The following SGCZ variants were observed in gnomAD, a reference collection of about 807,000 sequenced individuals.
SGCZ encodes zeta-sarcoglycan.
Under a neutral mutation model 41.3 loss-of-function variants are expected in SGCZ, and 40 were observed. The ratio of observed to expected loss-of-function variants is 0.97; its 90% CI spans 0.75 to 1.26. SGCZ has a LOEUF of 1.26. Ranked by LOEUF, SGCZ falls within the 50% of genes most tolerant of loss-of-function variation. The probability of loss-of-function intolerance (pLI) is 0.00; values close to 1 mark genes in which losing one functional copy is unlikely to be tolerated. For missense variants in SGCZ, 552 were observed against 369.8 expected (o/e 1.49, Z -4.04); for synonymous variants, 206 against 137.5 (o/e 1.50, Z -3.49).
At chr8:14,207,589 T>C (rs1389372814) in intron 4 of SGCZ, among the ~76,000 whole-genome samples, 2 of 152,180 alleles carry the variant, frequency 1.3e-5, no homozygotes, top group Non-Finnish European at 2.9e-5. Context: ...CAGTTTACTA[T>C]GTTAAGTTAT....
At chr8:14,641,203 G>A (rs146174129) in intron 1 of SGCZ, among the ~76,000 whole-genome samples, 3 of 151,646 alleles carry the variant, frequency 2.0e-5, no homozygotes, top group East Asian at 3.9e-4. Context: ...CTGTCACTAC[G>A]TTTTCGCTCC....
intron 4 of SGCZ, among the ~76,000 whole-genome samples, chr8:14,180,824 C>T (rs781627714): frequency 1.2e-4 from 18 of 152,010 alleles, no homozygotes; most frequent in East Asian, 1.9e-4. Context: ...TGCCAAGTGG[C>T]GATGGCTATG....
chr8:15,211,030 T>TATACAG lies in SGCZ; in HGVS notation c.39+26554_39+26555insCTGTAT, dbSNP rs1554478386. 5.4e-5 allele frequency among the ~76,000 whole-genome samples: 8 copies of TATACAG among 147,202 alleles called. No individual in the cohort carries two copies. The Admixed American group carries it at 5.5e-4, about 10-fold the overall frequency. ...CTCTCTCTATATATAGATATATACA[T>TATACAG]ATATAGATATAGATATAGATAGATA... On this transcript the variant is annotated intron_variant, in intron 1 of 7. Coordinates refer to ENST00000382080, the MANE Select transcript of SGCZ (RefSeq NM_139167.4).
chr8:15,146,291 AATAT>A (rs1374618933), intron 1 of SGCZ, among the ~76,000 whole-genome samples: 1 of 152,222 alleles, frequency 6.6e-6, no homozygotes, highest in Non-Finnish European at 1.5e-5. Context: ...GTCGGAAAGG[AATAT>A]ATAATTATAT....
chr8:14,888,195 C>T (rs904834110), intron 1 of SGCZ, among the ~76,000 whole-genome samples: 9 of 152,166 alleles, frequency 5.9e-5, no homozygotes, highest in African/African-American at 2.2e-4. Flanking sequence ...GACCAATACA[C>T]ATAGTAGTGA....
intron 1 of SGCZ, among the ~76,000 whole-genome samples, chr8:14,999,410 G>C (rs1348766788): frequency 2.0e-5 from 3 of 152,152 alleles, no homozygotes; most frequent in Non-Finnish European, 2.9e-5. Context: ...TTTAAAGTGA[G>C]AATGGGTTAG....
chr8:15,082,488 G>C (rs1805791766), intron 1 of SGCZ, among the ~76,000 whole-genome samples: 1 of 152,006 alleles, frequency 6.6e-6, no homozygotes, highest in Admixed American at 6.6e-5. Flanking sequence ...AAATGGGGGA[G>C]GGTGGTGGAG....
At chr8:14,112,892 T>G (rs1802416650) in intron 5 of SGCZ, among the ~76,000 whole-genome samples, 1 of 151,762 alleles carries the variant, frequency 6.6e-6, no homozygotes, top group African/African-American at 2.4e-5. Context: ...GAAAATAAAT[T>G]ATTTTGGGGA....
chr8:14,672,621 G>A (rs1808140806), intron 1 of SGCZ, among the ~76,000 whole-genome samples: 1 of 152,106 alleles, frequency 6.6e-6, no homozygotes. Context: ...AACTCTGGCT[G>A]GGAAACTACA....
At chr8:14,240,598 G>C (rs1276101881) in intron 3 of SGCZ, among the ~76,000 whole-genome samples, 2 of 151,928 alleles carry the variant, frequency 1.3e-5, no homozygotes, top group Non-Finnish European at 2.9e-5. Context: ...CAGAGGTAGT[G>C]AGTTATTCTC....
rs183078554 is a variant in SGCZ, at chr8:14,568,349, T to C, written c.40-13423A>G. Among the ~76,000 whole-genome samples the C allele has an allele frequency of 3.3e-3, 485 of 149,000 alleles. 1 individual carries two copies. The highest frequency in any genetic ancestry group is 5.5e-3 in the Non-Finnish European group (373 of 67,812). On this transcript the variant is annotated intron_variant, in intron 1 of 7. Coordinates refer to ENST00000382080, the MANE Select transcript of SGCZ (RefSeq NM_139167.4). The stretch of plus-strand genomic sequence containing the variant: ...AACCACCATGGCACATGTATACGTA[T>C]GTAACAAACCTGCACATTCAGCACA...
intron 1 of SGCZ, among the ~76,000 whole-genome samples, chr8:14,726,339 TATAA>T (rs1810056279): frequency 6.9e-6 from 1 of 145,196 alleles, no homozygotes; most frequent in African/African-American, 2.5e-5. Context: ...TATATATATA[TATAA>T]AATTAGATAG....
chr8:14,743,919 C>T (rs2053492), intron 1 of SGCZ, among the ~76,000 whole-genome samples: 58,806 of 151,754 alleles, frequency 0.39, 14,016 homozygotes, highest in African/African-American at 0.67. Context: ...GTATTTTATT[C>T]TGGGGATCCG....
intron 1 of SGCZ, among the ~76,000 whole-genome samples, chr8:14,921,165 ACT>A (rs1192045114): frequency 6.6e-6 from 1 of 152,116 alleles, no homozygotes; most frequent in African/African-American, 2.4e-5. Flanking sequence ...AATCTTCTCA[ACT>A]CAGCTTCCCG....
At chr8:14,796,987 G>C (rs887917257) in intron 1 of SGCZ, among the ~76,000 whole-genome samples, 2 of 152,182 alleles carry the variant, frequency 1.3e-5, no homozygotes, top group African/African-American at 4.8e-5. Flanking sequence ...CAGCCGTGCT[G>C]AACCACAAGT....
rs1585068420 is a variant in SGCZ, at chr8:14,548,025, A to G, written c.234+6707T>C. Among the ~76,000 whole-genome samples the G allele has an allele frequency of 2.6e-5, 4 of 152,310 alleles. No individual in the cohort carries two copies. The South Asian group carries it at 6.2e-4, about 24-fold the overall frequency. ...GTGAAGATGGAAGGGCAGAATATGG[A>G]TAAGTCTGATAGTATATGTTGTTAA... On this transcript the variant is annotated intron_variant, in intron 2 of 7. Transcript: ENST00000382080.
At chr8:14,920,483 AGT>A (rs1250672682) in intron 1 of SGCZ, among the ~76,000 whole-genome samples, 1 of 152,246 alleles carries the variant, frequency 6.6e-6, no homozygotes, top group East Asian at 1.9e-4. Flanking sequence ...AAACATAGGA[AGT>A]CACACATCCA....
chr8:14,620,311 T>C (rs1345330664), intron 1 of SGCZ, among the ~76,000 whole-genome samples: 8 of 152,052 alleles, frequency 5.3e-5, no homozygotes, highest in Admixed American at 3.9e-4. Context: ...AAGACTTAAA[T>C]GTTAGACCTA....
chr8:14,481,397 C>T (rs1011889011), intron 2 of SGCZ, among the ~76,000 whole-genome samples: 2 of 152,136 alleles, frequency 1.3e-5, no homozygotes, highest in African/African-American at 4.8e-5. Context: ...ATGGGGATTA[C>T]TCAATTCACT....
Sources: allele counts gnomAD v4.1 joint callset (sites outside exome capture counted in the v4.1 genomes callset), GRCh38; gene constraint gnomAD v4.1.1; transcripts MANE v1.5; gene names NCBI Gene and HGNC (gene_info 2026-07-23, HGNC 2026-07-21).